The following DACH1 variants were observed in gnomAD, a reference collection of about 807,000 sequenced individuals.
DACH1 encodes dachshund family transcription factor 1.
Under a neutral mutation model 54.2 loss-of-function variants are expected in DACH1, and 12 were observed. The ratio of observed to expected loss-of-function variants is 0.22; its 90% CI spans 0.14 to 0.36. The LOEUF is 0.36. DACH1 is among the 10% of genes least tolerant of loss of function. The pLI, the probability that DACH1 is intolerant of heterozygous loss-of-function variation, is 1.00. For missense variants in DACH1, 805 were observed against 929.8 expected (o/e 0.87, Z 1.75); for synonymous variants, 386 against 366.2 (o/e 1.05, Z -0.62).
intron 8 of DACH1, among the ~76,000 whole-genome samples, chr13:71,476,711 A>C (rs1877552874): frequency 6.6e-6 from 1 of 152,250 alleles, no homozygotes; most frequent in Non-Finnish European, 1.5e-5. Flanking sequence ...TACATACTCG[A>C]TAAATAATAA....
At chr13:71,743,322 T>C (rs567753883) in intron 1 of DACH1, among the ~76,000 whole-genome samples, 1 of 152,274 alleles carries the variant, frequency 6.6e-6, no homozygotes, top group Non-Finnish European at 1.5e-5. Context: ...CCCAATAAAG[T>C]TGATACATGG....
intron 3 of DACH1, among the ~76,000 whole-genome samples, chr13:71,603,256 T>C (rs1292054377): frequency 6.6e-6 from 1 of 151,988 alleles, no homozygotes; most frequent in Non-Finnish European, 1.5e-5. Context: ...TGTATACCAA[T>C]GGTGGATTAC....
intron 2 of DACH1, among the ~76,000 whole-genome samples, chr13:71,640,570 T>A (rs1316946225): frequency 1.3e-5 from 2 of 152,068 alleles, no homozygotes; most frequent in African/African-American, 4.8e-5. Flanking sequence ...GACTCTAATT[T>A]TCTTTTAAGC....
intron 3 of DACH1, among the ~76,000 whole-genome samples, chr13:71,610,944 C>A (rs1025606512): frequency 2.0e-5 from 3 of 152,134 alleles, no homozygotes; most frequent in African/African-American, 7.2e-5. Flanking sequence ...AATAGGAGAG[C>A]AATCTAACCT....
At chr13:71,653,113 G>T (rs373960884) in intron 2 of DACH1, among the ~76,000 whole-genome samples, 1 of 152,134 alleles carries the variant, frequency 6.6e-6, no homozygotes, top group Non-Finnish European at 1.5e-5. Flanking sequence ...GACCTACAAA[G>T]TGATCATTTA....
chr13:71,799,245 G>A (rs141935961), intron 1 of DACH1, among the ~76,000 whole-genome samples: 317 of 152,120 alleles, frequency 2.1e-3, no homozygotes, highest in Middle Eastern at 3.4e-3. Flanking sequence ...TTTTGATGTA[G>A]AACTAAGTAA....
chr13:71,613,434 A>G (rs2138521740), intron 3 of DACH1, among the ~76,000 whole-genome samples: 1 of 152,310 alleles, frequency 6.6e-6, no homozygotes, highest in Non-Finnish European at 1.5e-5. Context: ...ATTTTTTAAA[A>G]GGAAATCTTA....
At chr13:71,772,904 A>T (rs1309941722) in intron 1 of DACH1, among the ~76,000 whole-genome samples, 4 of 151,838 alleles carry the variant, frequency 2.6e-5, no homozygotes, top group Non-Finnish European at 5.9e-5. Context: ...ATACTCATGA[A>T]CTGCCAAGTG....
At chr13:71,839,563 T>C (rs946852487) in intron 1 of DACH1, among the ~76,000 whole-genome samples, 3 of 152,060 alleles carry the variant, frequency 2.0e-5, no homozygotes, top group Admixed American at 2.0e-4. Context: ...GCAGAGATCA[T>C]GCCACTGCAC....
At chr13:71,797,760 C>T (rs180697972) in intron 1 of DACH1, among the ~76,000 whole-genome samples, 204 of 152,130 alleles carry the variant, frequency 1.3e-3, no homozygotes, top group Non-Finnish European at 2.2e-3. Flanking sequence ...TGAACAGACC[C>T]GCATCCACAG....
chr13:71,825,099 A>G (rs1888328813), intron 1 of DACH1, among the ~76,000 whole-genome samples: 1 of 152,100 alleles, frequency 6.6e-6, no homozygotes, highest in African/African-American at 2.4e-5. Context: ...TTGATGGATT[A>G]AAGGTTTAAA....
At chr13:71,640,851 G>C (rs1037865460) in intron 2 of DACH1, among the ~76,000 whole-genome samples, 21 of 152,056 alleles carry the variant, frequency 1.4e-4, no homozygotes, top group Non-Finnish European at 2.8e-4. Flanking sequence ...GAAAAGATAC[G>C]ATAATCGTAA....
intron 3 of DACH1, among the ~76,000 whole-genome samples, chr13:71,598,551 C>T (rs886144434): frequency 2.6e-5 from 4 of 152,124 alleles, no homozygotes; most frequent in Non-Finnish European, 4.4e-5. Flanking sequence ...CTGCGCCCGG[C>T]CTGACGCTTA....
At chr13:71,747,331 C>T (rs1884640676) in intron 1 of DACH1, among the ~76,000 whole-genome samples, 1 of 152,090 alleles carries the variant, frequency 6.6e-6, no homozygotes, top group South Asian at 2.1e-4. Context: ...GTAATCCTGG[C>T]ACTTTGGGAG....
intron 1 of DACH1, among the ~76,000 whole-genome samples, chr13:71,708,057 A>C (rs1218468393): frequency 3.3e-5 from 5 of 152,078 alleles, no homozygotes; most frequent in Non-Finnish European, 5.9e-5. Flanking sequence ...AATTAAAATA[A>C]AGCACTTAAG....
chr13:71,757,766 G>A (rs1257573861), intron 1 of DACH1, among the ~76,000 whole-genome samples: 1 of 151,860 alleles, frequency 6.6e-6, no homozygotes, highest in Non-Finnish European at 1.5e-5. Context: ...CAGGTGATCT[G>A]CCCACCTCGG....
chr13:71,439,991 G>A lies in DACH1; in HGVS notation c.*664C>T, dbSNP rs1873868883. 1 of 150,874 alleles carries A rather than the reference G, an allele frequency of 6.6e-6. No homozygotes were observed. The highest frequency in any genetic ancestry group is 1.5e-5 in the Non-Finnish European group (1 of 67,566). 9.3% of individuals were successfully genotyped at this position (150,874 alleles called of 1,614,324 possible). A position where few individuals can be genotyped will look rare whatever the true frequency, so the allele number is the denominator to read the frequency against. On this transcript the variant is annotated 3_prime_UTR_variant, in exon 11 of 11. Transcript: ENST00000613252. ...AAAAAAACCTTCAGTGAAAGCTTTT[G>A]GCTTATATTCAATGCTTCTTTTCAG...
intron 1 of DACH1, among the ~76,000 whole-genome samples, chr13:71,780,645 CAA>C (rs76867649): frequency 4.0e-5 from 5 of 125,696 alleles, no homozygotes; most frequent in African/African-American, 5.8e-5. Flanking sequence ...GACTTCATCT[CAA>C]AAAAAAAAAA....
Position 71,664,962 on chromosome 13 carries a change from T to C in DACH1, c.964+16833A>G, listed in dbSNP as rs1879735957. Among the ~76,000 whole-genome samples the C allele has an allele frequency of 2.0e-5, 3 of 151,996 alleles. No homozygotes were observed. In the South Asian group the frequency reaches 6.2e-4, roughly 31 times the overall value. ...GACATTGCTTTGACCAGGAGCTTTA[T>C]CAATTGCACAAATAAATAATAACAC... On this transcript the variant is annotated intron_variant, in intron 2 of 10. Transcript: ENST00000613252.
Sources: gnomAD v4.1 joint callset for allele counts (sites outside exome capture counted in the v4.1 genomes callset) on GRCh38, gnomAD v4.1.1 for gene constraint, MANE v1.5 for transcripts, NCBI Gene and HGNC (gene_info 2026-07-23, HGNC 2026-07-21) for gene names.